The following POFUT3 variants were observed in gnomAD, a reference collection of about 807,000 sequenced individuals.
POFUT3 encodes the protein GDP-fucose protein O-fucosyltransferase 3.
At chr8:33,446,746 G>A in the POFUT3 span, among the ~76,000 whole-genome samples, 1 of 152,106 alleles carries the variant, frequency 6.6e-6, no homozygotes. Flanking sequence ...CCAACAAGTT[G>A]GTTTTTTATT....
At chr8:33,455,927 G>A in the POFUT3 span, 27 of 428,856 alleles carry the variant, frequency 6.3e-5, no homozygotes, top group African/African-American at 4.2e-4. Context: ...ACCACTGAGT[G>A]AAAGCCAAGC....
At chr8:33,310,032 G>T in the POFUT3 span, among the ~76,000 whole-genome samples, 1 of 152,158 alleles carries the variant, frequency 6.6e-6, no homozygotes, top group Non-Finnish European at 1.5e-5. Flanking sequence ...AAAATAGGAA[G>T]GGATGGAAGG....
At chr8:33,470,457 A>C in the POFUT3 span, among the ~76,000 whole-genome samples, 1 of 152,226 alleles carries the variant, frequency 6.6e-6, no homozygotes, top group Non-Finnish European at 1.5e-5. Context: ...TGACAGCACA[A>C]GACTATGAAG....
the POFUT3 span, among the ~76,000 whole-genome samples, chr8:33,355,223 C>T: frequency 6.6e-6 from 1 of 152,222 alleles, no homozygotes; most frequent in Admixed American, 6.5e-5. Context: ...ATTCCAATAT[C>T]AATATTATAT....
the POFUT3 span, among the ~76,000 whole-genome samples, chr8:33,355,687 ATACTT>A: frequency 6.6e-6 from 1 of 151,730 alleles, no homozygotes; most frequent in Non-Finnish European, 1.5e-5. Flanking sequence ...TATTATTATT[ATACTT>A]TAAGTTTTAG....
the POFUT3 span, among the ~76,000 whole-genome samples, chr8:33,313,297 G>A: frequency 2.6e-5 from 4 of 152,128 alleles, no homozygotes; most frequent in Admixed American, 6.6e-5. Context: ...TTGCACAAAC[G>A]CTATTTATTG....
chr8:33,339,282 C>A, the POFUT3 span, among the ~76,000 whole-genome samples: 11 of 152,054 alleles, frequency 7.2e-5, no homozygotes, highest in East Asian at 2.1e-3. Flanking sequence ...AACATACAAC[C>A]GTGAGTATAA....
the POFUT3 span, chr8:33,453,036 C>G: frequency 1.7e-6 from 1 of 599,134 alleles, no homozygotes; most frequent in Non-Finnish European, 2.9e-6. Context: ...CCCGGCCAGG[C>G]TTGTTTCTTT....
the POFUT3 span, among the ~76,000 whole-genome samples, chr8:33,428,630 T>C: frequency 1.3e-5 from 2 of 151,318 alleles, no homozygotes; most frequent in South Asian, 2.1e-4. Context: ...CCAAAAAGCA[T>C]GTGTTGGAAA....
At chr8:33,341,637 T>C in the POFUT3 span, among the ~76,000 whole-genome samples, 22 of 151,166 alleles carry the variant, frequency 1.5e-4, no homozygotes, top group African/African-American at 5.3e-4. Context: ...AAGCCTGAGA[T>C]AAATAATCCA....
chr8:33,409,694 A>C, the POFUT3 span, among the ~76,000 whole-genome samples: 3 of 152,122 alleles, frequency 2.0e-5, no homozygotes, highest in African/African-American at 7.2e-5. Context: ...TCACGAGGTC[A>C]AGAGACTGAG....
At chr8:33,454,409 C>T in the POFUT3 span, among the ~76,000 whole-genome samples, 47 of 152,326 alleles carry the variant, frequency 3.1e-4, no homozygotes, top group Non-Finnish European at 5.7e-4. Flanking sequence ...GGCTCTCCAT[C>T]TTTAAGAACT....
chr8:33,464,808 A>C, the POFUT3 span, among the ~76,000 whole-genome samples: 2 of 152,202 alleles, frequency 1.3e-5, no homozygotes, highest in Non-Finnish European at 2.9e-5. Context: ...TAAAAAAAGA[A>C]ATACTATAAA....
the POFUT3 span, among the ~76,000 whole-genome samples, chr8:33,422,942 A>C: frequency 0.035 from 5,263 of 152,068 alleles, 137 homozygotes; most frequent in Non-Finnish European, 0.05. Context: ...CAGCCCCCCG[A>C]GTAGCTGGAA....
At chr8:33,449,869 A>G in the POFUT3 span, among the ~76,000 whole-genome samples, 1 of 151,410 alleles carries the variant, frequency 6.6e-6, no homozygotes, top group East Asian at 1.9e-4. Flanking sequence ...TCCAACCCCA[A>G]TATCCTTCAA....
chr8:33,408,699 A>C, the POFUT3 span, among the ~76,000 whole-genome samples: 10 of 152,192 alleles, frequency 6.6e-5, no homozygotes, highest in Non-Finnish European at 1.3e-4. Context: ...GACAAAAAAG[A>C]GAACATAGTG....
chr8:33,382,095 C>A, the POFUT3 span, among the ~76,000 whole-genome samples: 1 of 152,120 alleles, frequency 6.6e-6, no homozygotes, highest in Non-Finnish European at 1.5e-5. Context: ...GACTTCGAGA[C>A]CAGCCTGGGA....
the POFUT3 span, among the ~76,000 whole-genome samples, chr8:33,471,761 TAAC>T: frequency 1.3e-5 from 2 of 152,284 alleles, no homozygotes; most frequent in African/African-American, 4.8e-5. Context: ...AGACAAGCAA[TAAC>T]AACACAGTAA....
the POFUT3 span, among the ~76,000 whole-genome samples, chr8:33,454,925 C>T: frequency 1.3e-5 from 2 of 152,078 alleles, no homozygotes; most frequent in Non-Finnish European, 2.9e-5. Flanking sequence ...CTCAGCCTCC[C>T]AAAGTGCTAG....
Sources: gnomAD v4.1 joint callset for allele counts (sites outside exome capture counted in the v4.1 genomes callset) on GRCh38, gnomAD v4.1.1 for gene constraint, MANE v1.5 for transcripts, NCBI Gene and HGNC (gene_info 2026-07-23, HGNC 2026-07-21) for gene names.